Variants in GALK2 observed in about 807,000 individuals in gnomAD.
The protein encoded by GALK2 is galactokinase 2, also known as N-acetylgalactosamine kinase.
In GALK2, 36 loss-of-function variants were observed where a neutral mutation model predicts 52.4. That is an observed-to-expected ratio of 0.69 (90% CI 0.53 to 0.91). The LOEUF is 0.91. Among genes scored for constraint, GALK2 ranks in the 40% least tolerant of loss-of-function variants. GALK2 has a pLI of 0.00. For synonymous variants in GALK2, 176 were observed against 199.1 expected (o/e 0.88, Z 0.98); for missense variants, 579 against 559.1 (o/e 1.04, Z -0.36).
intron 7 of GALK2, among the ~76,000 whole-genome samples, chr15:49,287,959 T>TC (rs10686559): frequency 1.3e-5 from 2 of 151,606 alleles, no homozygotes; most frequent in African/African-American, 4.8e-5. Context: ...CTCTGTCTCT[T>TC]TCTCTCCATC....
rs892968860 is a variant in GALK2 at position 49,331,113 on chromosome 15, A to G, written c.*2954A>G. 3 of 152,230 alleles carry G rather than the reference A, an allele frequency of 2.0e-5. No homozygotes were observed. The highest frequency in any genetic ancestry group is 2.1e-4 in the South Asian group (1 of 4,830). 9.4% of individuals were successfully genotyped at this position (152,230 alleles called of 1,614,324 possible). The stretch of plus-strand genomic sequence containing the variant: ...ATTTTTGACATTATACTAGCAGCCA[A>G]TGGGATTGCTCTAGATTTTTGAATG... On this transcript the variant is annotated 3_prime_UTR_variant, in exon 10 of 10. Coordinates refer to ENST00000560031, the MANE Select transcript of GALK2 (RefSeq NM_002044.4).
chr15:49,345,049 G>A (rs933207890), intron 3 of GALK2, among the ~76,000 whole-genome samples: 1 of 152,152 alleles, frequency 6.6e-6, no homozygotes, highest in Non-Finnish European at 1.5e-5. Flanking sequence ...CTTCCTCAGA[G>A]TGCCTGTTAG....
intron 5 of GALK2, among the ~76,000 whole-genome samples, chr15:49,248,804 T>C (rs1190716374): frequency 2.6e-5 from 4 of 152,220 alleles, no homozygotes; most frequent in Non-Finnish European, 5.9e-5. Flanking sequence ...TCCGTTTTCT[T>C]TCCTAGGCTA....
intron 8 of GALK2, among the ~76,000 whole-genome samples, chr15:49,310,332 G>A (rs1803558592): frequency 6.6e-6 from 1 of 152,168 alleles, no homozygotes; most frequent in South Asian, 2.1e-4. Flanking sequence ...ATTGTGAATA[G>A]TGCTGCAATA....
chr15:49,259,079 C>T (rs1426793156), intron 5 of GALK2, among the ~76,000 whole-genome samples: 1 of 151,166 alleles, frequency 6.6e-6, no homozygotes, highest in African/African-American at 2.4e-5. Context: ...TGAAAATTTT[C>T]TCCTATTTTG....
chr15:49,185,856 A>T (rs1034745413), intron 1 of GALK2, among the ~76,000 whole-genome samples: 2 of 152,100 alleles, frequency 1.3e-5, no homozygotes, highest in African/African-American at 4.8e-5. Flanking sequence ...TCATGTTTGA[A>T]GGATATTTTT....
At chr15:49,252,265 C>T (rs74741946) in intron 5 of GALK2, among the ~76,000 whole-genome samples, 1 of 149,684 alleles carries the variant, frequency 6.7e-6, no homozygotes, top group East Asian at 1.9e-4. Context: ...GACTTCGTCT[C>T]AAAAAAAAAA....
At chr15:49,156,606 T>G in intron 1 of GALK2, 2 of 517,256 alleles carry the variant, frequency 3.9e-6, no homozygotes, top group Non-Finnish European at 7.5e-6. Context: ...AAATTCAGAT[T>G]GCCGAAAGGC....
At chr15:49,158,202 G>C (rs1239934518) in intron 1 of GALK2, among the ~76,000 whole-genome samples, 1 of 152,134 alleles carries the variant, frequency 6.6e-6, no homozygotes, top group Non-Finnish European at 1.5e-5. Flanking sequence ...GCTTCTGAGG[G>C]AAGATAGGCA....
chr15:49,166,994 A>G (rs2084844082), upstream of GALK2, among the ~76,000 whole-genome samples: 1 of 152,226 alleles, frequency 6.6e-6, no homozygotes, highest in African/African-American at 2.4e-5. Context: ...AACTTCCTGA[A>G]GGAAGTGATT....
chr15:49,234,161 C>T (rs2090660620), intron 3 of GALK2, among the ~76,000 whole-genome samples: 2 of 152,182 alleles, frequency 1.3e-5, no homozygotes, highest in Non-Finnish European at 2.9e-5. Context: ...AATTGATTCT[C>T]CCATTTCACA....
chr15:49,223,128 G>A (rs1207658331), intron 3 of GALK2: 2 of 152,036 alleles, frequency 1.3e-5, no homozygotes, highest in African/African-American at 4.8e-5. Flanking sequence ...TGTGTGTTTA[G>A]GAATTTATCA....
chr15:49,252,648 T>C (rs964906962), intron 5 of GALK2, among the ~76,000 whole-genome samples: 3 of 152,340 alleles, frequency 2.0e-5, no homozygotes, highest in Admixed American at 1.3e-4. Flanking sequence ...TGAATATTCT[T>C]GTAGACAATT....
At chr15:49,335,172 T>G (rs1040369109), downstream of GALK2, among the ~76,000 whole-genome samples, 1 of 152,130 alleles carries the variant, frequency 6.6e-6, no homozygotes, top group African/African-American at 2.4e-5. Context: ...CTCTTCCTGT[T>G]GGGGTGCACC....
intron 2 of GALK2, among the ~76,000 whole-genome samples, chr15:49,216,107 C>T (rs1044915034): frequency 2.6e-5 from 4 of 152,172 alleles, no homozygotes; most frequent in Non-Finnish European, 4.4e-5. Context: ...CAGAAGTAGT[C>T]TGTCTCCATA....
At chr15:49,291,284 T>TA (rs1343310564) in intron 7 of GALK2, among the ~76,000 whole-genome samples, 8 of 152,312 alleles carry the variant, frequency 5.3e-5, no homozygotes, top group South Asian at 2.1e-4. Flanking sequence ...TCATTTCAAA[T>TA]ATACGAGCCA....
intron 6 of GALK2, 118 bp downstream of exon 6, chr15:49,282,203 C>G: frequency 3.3e-6 from 2 of 600,894 alleles, no homozygotes; most frequent in South Asian, 2.4e-5. Flanking sequence ...ATATTAGGCT[C>G]TATTGTAGGA....
chr15:49,189,957 G>A (rs756384698), intron 1 of GALK2, among the ~76,000 whole-genome samples: 3 of 152,086 alleles, frequency 2.0e-5, no homozygotes, highest in African/African-American at 7.2e-5. Flanking sequence ...ATATTTTTTC[G>A]TGTTTCAAGA....
intron 7 of GALK2, among the ~76,000 whole-genome samples, chr15:49,290,768 G>T (rs2033856576): frequency 6.6e-6 from 1 of 152,200 alleles, no homozygotes; most frequent in African/African-American, 2.4e-5. Flanking sequence ...TTCTAGCACA[G>T]ATCTAGGTTT....
Sources: allele counts gnomAD v4.1 joint callset (sites outside exome capture counted in the v4.1 genomes callset), GRCh38; gene constraint gnomAD v4.1.1; transcripts MANE v1.5; gene names NCBI Gene and HGNC (gene_info 2026-07-23, HGNC 2026-07-21).